Variants in DIP2A observed in about 807,000 individuals in gnomAD.
The protein encoded by DIP2A is disco-interacting protein 2 homolog A.
A neutral mutation model predicts 177.4 loss-of-function variants in DIP2A; 85 were observed. The observed-to-expected ratio is 0.48, with a 90% CI of 0.40 to 0.57. DIP2A has a LOEUF of 0.57. DIP2A is among the 20% of genes least tolerant of loss of function. The pLI, the probability that DIP2A is intolerant of heterozygous loss-of-function variation, is 0.00. For synonymous variants in DIP2A, 886 were observed against 881.8 expected, an observed-to-expected ratio of 1.00 and a Z score of -0.08; for missense variants, 1,791 against 2,100.2, an observed-to-expected ratio of 0.85 and a Z score of 2.88.
chr21:46,527,732 C>T (rs1221859975), intron 8 of DIP2A, among the ~76,000 whole-genome samples: 3 of 152,026 alleles, frequency 2.0e-5, no homozygotes, highest in Non-Finnish European at 4.4e-5. Flanking sequence ...CGCTCATTTG[C>T]AGGGCATGGC....
chr21:46,551,575 A>T, intron 23 of DIP2A, 59 bp from the exon 24 acceptor site: 1 of 1,392,528 alleles, frequency 7.2e-7, no homozygotes, highest in South Asian at 1.2e-5. Flanking sequence ...AAATAAAATC[A>T]CGTGATGTTT....
chr21:46,490,875 G>A (rs540668322), intron 3 of DIP2A, among the ~76,000 whole-genome samples, 156 bp downstream of exon 3: 1 of 152,214 alleles, frequency 6.6e-6, no homozygotes, highest in South Asian at 2.1e-4. Context: ...TTTTTTTCAA[G>A]AAAAACATTT....
In DIP2A at chr21:46,461,271, C is replaced by CAAAAAAAAAAAAAAAAAAAAAAA. The variant is rs60346777; in HGVS notation, c.91+2071_91+2072insAAAAAAAAAAAAAAAAAAAAAAA. 2.6e-4 allele frequency among the ~76,000 whole-genome samples: 13 copies of CAAAAAAAAAAAAAAAAAAAAAAA among 49,322 alleles called. 2 individuals are homozygous for CAAAAAAAAAAAAAAAAAAAAAAA. Among genetic ancestry groups the CAAAAAAAAAAAAAAAAAAAAAAA allele is most frequent in the East Asian group, 1.8e-3 (2 of 1,084 alleles). The allele number at this position is 49,322 out of a possible 152,430, so 32.4% of individuals were successfully genotyped here. A position where few individuals can be genotyped will look rare whatever the true frequency, so the allele number is the denominator to read the frequency against. On this transcript the variant is annotated intron_variant, in intron 1 of 37. Coordinates refer to ENST00000417564, the MANE Select transcript of DIP2A (RefSeq NM_015151.4). The stretch of plus-strand genomic sequence containing the variant: ...AGAGCGAGAACCTGTCTCTTCTCAC[C>CAAAAAAAAAAAAAAAAAAAAAAA]AAAAAAAAAAAAAAAAAAAAAAGGA...
In DIP2A at chr21:46,556,030, C is replaced by T; in HGVS notation, c.3437C>T (p.Pro1146Leu). The T allele has an allele frequency of 6.2e-7, 1 of 1,613,982 alleles. No individual in the cohort carries two copies. Among genetic ancestry groups the T allele is most frequent in the South Asian group, 1.1e-5 (1 of 91,078 alleles). Residue 1146 changes from proline (P) to leucine (L), a missense_variant, in exon 29 of 38, where the codon CCC (proline) becomes CTC (leucine). Coordinates refer to ENST00000417564, the MANE Select transcript of DIP2A (RefSeq NM_015151.4). The surrounding 1 kb of genome is among the most constrained non-coding windows in gnomAD (Gnocchi z 4.5). ...GCAAGCGTTTTCAGGCCCCCCTCCC[C>T]CGATGTCCTCGCATACTTGGACTTC... The part of the protein sequence containing the change: ...KIASVFRPPS[P>L]DVLAYLDFSV...
At chr21:46,561,915 T>C in intron 34 of DIP2A, 110 bp downstream of exon 34, 1 of 1,514,592 alleles carries the variant, frequency 6.6e-7, no homozygotes. Context: ...ACAGGTCGAC[T>C]TCTGGTTGGG....
the DIP2A span, among the ~76,000 whole-genome samples, chr21:46,579,417 ATT>A: frequency 6.6e-6 from 1 of 151,614 alleles, no homozygotes; most frequent in Admixed American, 6.6e-5. Context: ...GGATTCGTTG[ATT>A]TTTTTTGAAG....
intron 1 of DIP2A, among the ~76,000 whole-genome samples, chr21:46,459,765 C>G: frequency 6.6e-6 from 1 of 151,890 alleles, no homozygotes; most frequent in African/African-American, 2.4e-5. Flanking sequence ...ACCCTTACTC[C>G]TCACCCCGGG....
chr21:46,542,986 G>A (rs1165620921), intron 18 of DIP2A, among the ~76,000 whole-genome samples: 1 of 152,228 alleles, frequency 6.6e-6, no homozygotes, highest in Non-Finnish European at 1.5e-5. Flanking sequence ...GGGCCAGCTG[G>A]TGCCTGATCC....
intron 5 of DIP2A, among the ~76,000 whole-genome samples, chr21:46,503,390 G>T (rs1184373025): frequency 6.6e-6 from 1 of 151,510 alleles, no homozygotes; most frequent in African/African-American, 2.4e-5. Context: ...TTAACTGGCA[G>T]TGGGGGAAGT....
At chr21:46,542,795 C>T (rs2059871902) in intron 18 of DIP2A, among the ~76,000 whole-genome samples, 1 of 152,252 alleles carries the variant, frequency 6.6e-6, no homozygotes, top group Non-Finnish European at 1.5e-5. Flanking sequence ...AGTCTCCCCC[C>T]TTCCAATGCG....
Position 46,550,708 on chromosome 21 carries a change from G to C in DIP2A, c.2803G>C (p.Val935Leu), listed in dbSNP as rs776049331. Residue 935 changes from valine (V) to leucine (L), a missense_variant, in exon 23 of 38, where the codon GTT (valine) becomes CTT (leucine). Val to Leu is a conservative substitution (Grantham distance 32, BLOSUM62 1). Transcript: ENST00000417564. Reference protein sequence around the residue: ...CNVLMCPHTCVTNLPKPRQKQ... With the variant: ...CNVLMCPHTCLTNLPKPRQKQ... ...TGTGCTGATGTGCCCTCACACCTGT[G>C]TTACCAACCTCCCCAAACCTCGTCA... 1 of 1,614,008 alleles carries C rather than the reference G, an allele frequency of 6.2e-7. No homozygotes were observed.
At chr21:46,514,104 T>G (rs1367402658) in intron 8 of DIP2A, among the ~76,000 whole-genome samples, 1 of 152,140 alleles carries the variant, frequency 6.6e-6, no homozygotes, top group Non-Finnish European at 1.5e-5. Flanking sequence ...TTGTTGCTTA[T>G]ATATAGAATT....
intron 8 of DIP2A, among the ~76,000 whole-genome samples, chr21:46,512,886 C>T (rs879840437): frequency 1.3e-5 from 2 of 151,980 alleles, no homozygotes; most frequent in Non-Finnish European, 2.9e-5. Context: ...ATATCGAACT[C>T]CTGGCTAAGG....
chr21:46,488,867 C>T (rs1486046534), intron 2 of DIP2A, among the ~76,000 whole-genome samples: 6 of 152,160 alleles, frequency 3.9e-5, no homozygotes, highest in Non-Finnish European at 8.8e-5. Context: ...ATGAATCTAT[C>T]TCAAAGAATA....
At chr21:46,497,754 G>A (rs1291811671) in intron 4 of DIP2A, among the ~76,000 whole-genome samples, 1 of 152,020 alleles carries the variant, frequency 6.6e-6, no homozygotes, top group Non-Finnish European at 1.5e-5. Flanking sequence ...GAGGTATTTG[G>A]AGATACTACA....
chr21:46,503,902 T>A (rs545440466), intron 5 of DIP2A, among the ~76,000 whole-genome samples: 150 of 152,280 alleles, frequency 9.9e-4, no homozygotes, highest in Non-Finnish European at 1.8e-3. Flanking sequence ...ATTTTTGTAT[T>A]TTTAGTAGAG....
At chr21:46,471,961 A>G (rs1456478369) in intron 1 of DIP2A, among the ~76,000 whole-genome samples, 1 of 152,256 alleles carries the variant, frequency 6.6e-6, no homozygotes, top group Non-Finnish European at 1.5e-5. Context: ...CAGATTTTAG[A>G]ACTTTTTCTG....
Position 46,537,273 on chromosome 21 carries a change from G to T in DIP2A, c.1692G>T (p.Trp564Cys). Residue 564 changes from tryptophan (W) to cysteine (C), a missense_variant, in exon 14 of 38, where the codon TGG becomes TGT. Trp to Cys is a radical substitution (Grantham distance 215). Transcript: ENST00000417564. The surrounding 1 kb of genome is among the most constrained non-coding windows in gnomAD (Gnocchi z 4.1). ...ATTTCAAAAGGGATGCTGGTCTGTGGCATGGCGTGTTAACAGTGAGTGTTG... is the reference window on the plus strand; with the variant it reads ...ATTTCAAAAGGGATGCTGGTCTGTGTCATGGCGTGTTAACAGTGAGTGTTG... ...VLDFKRDAGLWHGVLTSVMNR... is the reference protein window; with the variant it reads ...VLDFKRDAGLCHGVLTSVMNR... The T allele has an allele frequency of 1.2e-6, 2 of 1,614,062 alleles. No individual in the cohort carries two copies. The highest frequency in any genetic ancestry group is 1.7e-6 in the Non-Finnish European group (2 of 1,179,902).
At chr21:46,510,972 A>T (rs2058282466) in intron 7 of DIP2A, among the ~76,000 whole-genome samples, 1 of 152,068 alleles carries the variant, frequency 6.6e-6, no homozygotes, top group Non-Finnish European at 1.5e-5. Context: ...CTTTGAACAT[A>T]GTGATAGTTG....
Sources: gnomAD v4.1 joint callset for allele counts (sites outside exome capture counted in the v4.1 genomes callset) on GRCh38, gnomAD v4.1.1 for gene constraint, Gnocchi (gnomAD v3.1) non-coding constraint, MANE v1.5 for transcripts, NCBI Gene and HGNC (gene_info 2026-07-23, HGNC 2026-07-21) for gene names.